DNAH14: variants seen among roughly 807,000 people sequenced by gnomAD.
DNAH14 encodes dynein axonemal heavy chain 14.
Under a neutral mutation model 520.9 loss-of-function variants are expected in DNAH14, and 478 were observed. The observed-to-expected ratio is 0.92, with a 90% CI of 0.85 to 0.99. DNAH14 has a LOEUF of 0.99. Ranked by LOEUF, DNAH14 falls within the 50% of genes least tolerant of loss-of-function variation. The probability of loss-of-function intolerance (pLI) is 0.00; values close to 1 mark genes in which losing one functional copy is unlikely to be tolerated. For missense variants in DNAH14, 4,831 were observed against 5,234.5 expected, an observed-to-expected ratio of 0.92 and a Z score of 2.38; for synonymous variants, 1,581 against 1,757.2, an observed-to-expected ratio of 0.90 and a Z score of 2.51.
rs2094715759 is a variant in DNAH14 at position 225,328,051 on chromosome 1, C to G, written c.9723+3219C>G. Among the ~76,000 whole-genome samples, 3 of 151,796 alleles carry G rather than the reference C, an allele frequency of 2.0e-5. No individual in the cohort carries two copies. The South Asian group carries it at 6.2e-4, about 31-fold the overall frequency. Reference sequence around the variant, plus strand: ...CAAAACCTATTTAATAAAATAGTTTCTGAAAACTTCCCAAGTCTTGAGAGA... The same window carrying G: ...CAAAACCTATTTAATAAAATAGTTTGTGAAAACTTCCCAAGTCTTGAGAGA... On this transcript the variant is annotated intron_variant, in intron 64 of 85. Coordinates refer to ENST00000682510, the MANE Select transcript of DNAH14 (RefSeq NM_001367479.1).
chr1:224,981,102 A>G (rs2062236142), intron 8 of DNAH14, among the ~76,000 whole-genome samples: 3 of 152,216 alleles, frequency 2.0e-5, no homozygotes, highest in Admixed American at 2.0e-4. Flanking sequence ...TGACTTGGAT[A>G]TGTTAAACCA....
chr1:224,991,635 C>T (rs1376430053), intron 8 of DNAH14, among the ~76,000 whole-genome samples: 2 of 152,098 alleles, frequency 1.3e-5, no homozygotes, highest in Non-Finnish European at 2.9e-5. Context: ...GTGACAACAC[C>T]TGCCTAATTT....
intron 82 of DNAH14, among the ~76,000 whole-genome samples, chr1:225,389,108 G>A (rs758943428): frequency 3.3e-5 from 5 of 152,320 alleles, no homozygotes; most frequent in African/African-American, 4.8e-5. Context: ...AGCTGGAGAA[G>A]CGTTAGAGTA....
chr1:225,140,636 C>T (rs2079358230), intron 27 of DNAH14, 132 bp from the exon 28 acceptor site: 1 of 717,946 alleles, frequency 1.4e-6, no homozygotes, highest in Non-Finnish European at 2.2e-6. Flanking sequence ...TGTGTAAGGT[C>T]TCTTACACAA....
In DNAH14 at chr1:225,167,985, C is replaced by A; in HGVS notation, c.5492C>A (p.Ser1831Ter). 2 of 1,539,264 alleles carry A rather than the reference C, an allele frequency of 1.3e-6. No individual in the cohort carries two copies. Among genetic ancestry groups the A allele is most frequent in the South Asian group, 1.2e-5 (1 of 81,272 alleles). Residue 1831 changes from serine to a stop codon, truncating the protein, a stop_gained, in exon 36 of 86, where the codon TCA becomes TAA. Transcript: ENST00000682510. LOFTEE classifies it high-confidence loss of function. ...CAGCAATTGGGTTTACAAAACTGGT[C>A]ATCTCAGAAAGAGAAGATTATACAG... ...ATQQLGLQNWSSQKEKIIQFY... is the reference protein window; with the variant it reads ...ATQQLGLQNW
chr1:225,058,123 A>G (rs531988182), intron 17 of DNAH14, among the ~76,000 whole-genome samples: 3 of 152,256 alleles, frequency 2.0e-5, no homozygotes, highest in South Asian at 4.1e-4. Context: ...TCCTCCTTGT[A>G]TCTCTGGTAG....
rs183336015 is a variant in DNAH14 at position 225,192,566 on chromosome 1, C to T, written c.5671-130C>T. ...AATATTTACTGTTCCTTGCAACTTGCTACCTTTATATAAAATCTTTTTTTG... is the reference window on the plus strand; with the variant it reads ...AATATTTACTGTTCCTTGCAACTTGTTACCTTTATATAAAATCTTTTTTTG... On this transcript the variant is annotated intron_variant, in intron 37 of 85. Transcript: ENST00000682510. 728 of 577,694 alleles carry T rather than the reference C, an allele frequency of 1.3e-3. 4 individuals are homozygous for T. Among genetic ancestry groups the T allele is most frequent in the African/African-American group, 0.013 (669 of 53,470 alleles). The allele number at this position is 577,694 out of a possible 1,614,324, so 35.8% of individuals were successfully genotyped here. A position where few individuals can be genotyped will look rare whatever the true frequency, so the allele number is the denominator to read the frequency against.
chr1:225,252,336 G>T lies in DNAH14; in HGVS notation c.6784G>T (p.Gly2262Ter). 6.5e-7 allele frequency: 1 copy of T among 1,549,378 alleles called. No individual in the cohort carries two copies. Among genetic ancestry groups the T allele is most frequent in the South Asian group, 1.2e-5 (1 of 83,744 alleles). The change falls in exon 44 of 86, where the codon GGA (glycine) becomes TGA (stop). Residue 2262 changes from glycine to a stop codon, truncating the protein, a stop_gained. Coordinates refer to ENST00000682510, the MANE Select transcript of DNAH14 (RefSeq NM_001367479.1). LOFTEE classifies it high-confidence loss of function. ...ACCAACTGGTGAATGTTCCATCTTT[G>T]GATATTTTGTGGATATAGAGCAATG... The part of the protein sequence containing the change: ...NLPTGECSIF[G>*]YFVDIEQCEF...
chr1:225,038,616 T>A (rs2067180553), intron 11 of DNAH14, 78 bp from the exon 12 acceptor site: 1 of 1,389,802 alleles, frequency 7.2e-7, no homozygotes, highest in Admixed American at 3.4e-5. Context: ...CTTTTTGTTG[T>A]TGAGTTGTAG....
At chr1:225,342,996 G>T (rs1296975642) in intron 69 of DNAH14, among the ~76,000 whole-genome samples, 3 of 152,100 alleles carry the variant, frequency 2.0e-5, no homozygotes, top group Non-Finnish European at 2.9e-5. Flanking sequence ...AAGCAAGACA[G>T]ATCTGCCTGT....
intron 60 of DNAH14, among the ~76,000 whole-genome samples, chr1:225,313,312 G>A (rs528815575): frequency 6.6e-6 from 1 of 152,190 alleles, no homozygotes; most frequent in East Asian, 1.9e-4. Context: ...ATTTTTTATT[G>A]TGTCTCTTTG....
chr1:225,196,097 G>A (rs774660226), intron 38 of DNAH14, among the ~76,000 whole-genome samples: 2 of 151,892 alleles, frequency 1.3e-5, no homozygotes, highest in African/African-American at 2.4e-5. Flanking sequence ...GGTGATTTGC[G>A]AGATTTTGCT....
intron 21 of DNAH14, among the ~76,000 whole-genome samples, chr1:225,095,344 T>C (rs747767996): frequency 6.6e-6 from 1 of 152,170 alleles, no homozygotes; most frequent in Non-Finnish European, 1.5e-5. Flanking sequence ...TCATGTTCTT[T>C]GTAGCATCTT....
At chr1:225,144,688 A>G (rs2079761613) in intron 29 of DNAH14, 60 bp downstream of exon 29, 11 of 1,354,440 alleles carry the variant, frequency 8.1e-6, no homozygotes, top group Non-Finnish European at 1.1e-5. Context: ...ACAAACTTTG[A>G]TGTTATCTTA....
At chr1:224,983,481 C>T (rs1459869635) in intron 8 of DNAH14, among the ~76,000 whole-genome samples, 2 of 152,164 alleles carry the variant, frequency 1.3e-5, no homozygotes, top group South Asian at 2.1e-4. Flanking sequence ...GCACTGAGAA[C>T]GGGAACAAGA....
chr1:225,355,257 TTTTC>T (rs566347625), intron 73 of DNAH14, among the ~76,000 whole-genome samples: 28 of 152,198 alleles, frequency 1.8e-4, no homozygotes, highest in African/African-American at 6.7e-4. Flanking sequence ...AGTCTTTCTC[TTTTC>T]TTTCTTTTTT....
At chr1:225,145,673 A>G (rs947504732) in intron 30 of DNAH14, among the ~76,000 whole-genome samples, 2 of 152,232 alleles carry the variant, frequency 1.3e-5, no homozygotes, top group African/African-American at 4.8e-5. Context: ...TGGAACATGA[A>G]TATATAAAAC....
At chr1:225,365,039 C>G (rs1260351991) in intron 76 of DNAH14, 145 bp downstream of exon 76, 1 of 545,848 alleles carries the variant, frequency 1.8e-6, no homozygotes. Context: ...GTGCTCAACC[C>G]TATACTGGGG....
At chr1:224,957,575 G>A (rs1401684612) in intron 3 of DNAH14, among the ~76,000 whole-genome samples, 1 of 152,090 alleles carries the variant, frequency 6.6e-6, no homozygotes, top group African/African-American at 2.4e-5. Flanking sequence ...ACATGGGATT[G>A]GTCAGAGTTA....
Sources: gnomAD v4.1 joint callset for allele counts (sites outside exome capture counted in the v4.1 genomes callset) on GRCh38, gnomAD v4.1.1 for gene constraint, MANE v1.5 for transcripts, NCBI Gene and HGNC (gene_info 2026-07-23, HGNC 2026-07-21) for gene names.